Variants in FHL2 observed in about 807,000 individuals in gnomAD.
FHL2 encodes four and a half LIM domains 2, also known as four and a half LIM domains protein 2.
A neutral mutation model predicts 32.7 loss-of-function variants in FHL2; 20 were observed. That is an observed-to-expected ratio of 0.61 (90% CI 0.43 to 0.89). The LOEUF (loss-of-function observed/expected upper bound fraction) is 0.89, where lower values mean the gene tolerates loss of function less well. Among genes scored for constraint, FHL2 ranks in the 40% least tolerant of loss-of-function variants. The pLI, the probability that FHL2 is intolerant of heterozygous loss-of-function variation, is 0.00. For missense variants in FHL2, 311 were observed against 358.6 expected, an observed-to-expected ratio of 0.87 and a Z score of 1.07; for synonymous variants, 123 against 128.1, an observed-to-expected ratio of 0.96 and a Z score of 0.27.
At chr2:105,391,844 C>T (rs1415205997) in intron 2 of FHL2, among the ~76,000 whole-genome samples, 2 of 152,240 alleles carry the variant, frequency 1.3e-5, no homozygotes, top group Non-Finnish European at 2.9e-5. Context: ...TGCTCCTTAG[C>T]TGGTACACAG....
chr2:105,417,953 G>A (rs1372048900), intron 1 of FHL2, among the ~76,000 whole-genome samples: 1 of 152,044 alleles, frequency 6.6e-6, no homozygotes, highest in African/African-American at 2.4e-5. Context: ...TCAACACAGT[G>A]AAAAGATGAG....
At chr2:105,386,250 G>C in intron 3 of FHL2, 111 bp downstream of exon 3, 4 of 1,286,454 alleles carry the variant, frequency 3.1e-6, no homozygotes, top group South Asian at 2.8e-5. Context: ...CCCCTCAGAG[G>C]GGGCTCAAGA....
intron 1 of FHL2, among the ~76,000 whole-genome samples, chr2:105,412,118 A>C (rs956189960): frequency 1.3e-5 from 2 of 152,214 alleles, no homozygotes; most frequent in Non-Finnish European, 2.9e-5. Context: ...GTTTGGAAGA[A>C]ATACCTGCAC....
chr2:105,411,123 G>A (rs1377733321), intron 1 of FHL2, among the ~76,000 whole-genome samples: 2 of 152,188 alleles, frequency 1.3e-5, no homozygotes, highest in African/African-American at 4.8e-5. Flanking sequence ...GTGGACACAG[G>A]TGTGTGCATA....
At chr2:105,364,775 A>C (rs1680514251) in intron 5 of FHL2, among the ~76,000 whole-genome samples, 1 of 152,224 alleles carries the variant, frequency 6.6e-6, no homozygotes, top group South Asian at 2.1e-4. Context: ...GAAGTAGGAA[A>C]GATATTATCT....
chr2:105,436,029 G>C (rs753716714), intron 1 of FHL2, among the ~76,000 whole-genome samples: 36 of 152,048 alleles, frequency 2.4e-4, no homozygotes, highest in Non-Finnish European at 4.0e-4. Flanking sequence ...TGTTAAAATG[G>C]ATTTTTATTC....
rs575296458 is a variant in FHL2 at position 105,368,885 on chromosome 2, C to A, written c.332-1146G>T. ...TGCCCGGACTAGCTGAGGGGCCTGG[C>A]CACTGTGTAAGACCAAATCCAGACT... On this transcript the variant is annotated intron_variant, in intron 4 of 6. Transcript: ENST00000530340. 2.0e-5 allele frequency among the ~76,000 whole-genome samples: 3 copies of A among 152,316 alleles called. No homozygotes were observed. In the East Asian group the frequency reaches 5.8e-4, roughly 29 times the overall value.
chr2:105,429,233 T>C (rs1684352317), intron 1 of FHL2, among the ~76,000 whole-genome samples: 1 of 152,198 alleles, frequency 6.6e-6, no homozygotes, highest in African/African-American at 2.4e-5. Flanking sequence ...GGGAGTCAAA[T>C]CGCAGTTCTG....
intron 4 of FHL2, among the ~76,000 whole-genome samples, chr2:105,369,005 G>A (rs1680836214): frequency 6.6e-6 from 1 of 152,220 alleles, no homozygotes; most frequent in Admixed American, 6.5e-5. Flanking sequence ...AGACGGCCGA[G>A]TAGTGTGCAG....
At chr2:105,428,816 T>G (rs1481882590) in intron 1 of FHL2, among the ~76,000 whole-genome samples, 1 of 152,254 alleles carries the variant, frequency 6.6e-6, no homozygotes, top group South Asian at 2.1e-4. Context: ...CTTCCAGGTC[T>G]GCCCTTGGCG....
intron 5 of FHL2, 26 bp from the exon 6 acceptor site, chr2:105,363,497 T>C: frequency 6.4e-7 from 1 of 1,574,268 alleles, no homozygotes; most frequent in African/African-American, 1.3e-5. Context: ...GGAGAGTTAG[T>C]GTGGCCTCTG....
At chr2:105,415,308 A>G (rs1365766978) in intron 1 of FHL2, among the ~76,000 whole-genome samples, 1 of 152,230 alleles carries the variant, frequency 6.6e-6, no homozygotes, top group East Asian at 1.9e-4. Context: ...TGGCTATTAT[A>G]CATGTTTGGA....
intron 1 of FHL2, among the ~76,000 whole-genome samples, chr2:105,431,295 G>A (rs918316214): frequency 2.0e-5 from 3 of 152,168 alleles, no homozygotes; most frequent in Non-Finnish European, 4.4e-5. Flanking sequence ...TGCATTCATT[G>A]GAGTTCACAT....
intron 1 of FHL2, among the ~76,000 whole-genome samples, chr2:105,434,151 T>C (rs931892429): frequency 1.3e-5 from 2 of 152,268 alleles, no homozygotes; most frequent in African/African-American, 2.4e-5. Flanking sequence ...AAAACATTCA[T>C]AGATTTTGCC....
chr2:105,364,482 C>T (rs892955050), intron 5 of FHL2, among the ~76,000 whole-genome samples: 3 of 152,202 alleles, frequency 2.0e-5, no homozygotes, highest in Non-Finnish European at 4.4e-5. Flanking sequence ...CTTAGAACAT[C>T]TGTGAGGTGA....
At chr2:105,426,050 T>C (rs889321078) in intron 1 of FHL2, among the ~76,000 whole-genome samples, 2 of 151,522 alleles carry the variant, frequency 1.3e-5, no homozygotes, top group East Asian at 2.0e-4. Flanking sequence ...GGCAGGCCAC[T>C]CCTTCATATA....
chr2:105,404,159 T>C (rs775190746), upstream of FHL2, among the ~76,000 whole-genome samples: 1 of 152,234 alleles, frequency 6.6e-6, no homozygotes, highest in African/African-American at 2.4e-5. Context: ...GACCGCCCTA[T>C]GTTCGTTACC....
intron 2 of FHL2, among the ~76,000 whole-genome samples, chr2:105,393,675 C>A (rs1048047829): frequency 1.3e-5 from 2 of 152,152 alleles, no homozygotes; most frequent in Admixed American, 6.5e-5. Flanking sequence ...TGAATACAAA[C>A]ATGTCAGAGT....
intron 3 of FHL2, among the ~76,000 whole-genome samples, chr2:105,379,241 A>G (rs887692252): frequency 2.6e-5 from 4 of 152,216 alleles, no homozygotes; most frequent in Non-Finnish European, 4.4e-5. Context: ...ACAAGCATGT[A>G]TAACAGTTGC....
Sources: gnomAD v4.1 joint callset for allele counts (sites outside exome capture counted in the v4.1 genomes callset) on GRCh38, gnomAD v4.1.1 for gene constraint, MANE v1.5 for transcripts, NCBI Gene and HGNC (gene_info 2026-07-23, HGNC 2026-07-21) for gene names.